TANC1: variants seen among roughly 807,000 people sequenced by gnomAD.
TANC1 encodes the protein tetratricopeptide repeat, ankyrin repeat and coiled-coil containing 1.
Under a neutral mutation model 149.7 loss-of-function variants are expected in TANC1, and 77 were observed. The ratio of observed to expected loss-of-function variants is 0.51; its 90% CI spans 0.43 to 0.62. TANC1 has a LOEUF of 0.62. TANC1 is among the 20% of genes least tolerant of loss of function. TANC1 has a pLI of 0.00. For missense variants in TANC1, 1,985 were observed against 2,321.8 expected, an observed-to-expected ratio of 0.85 and a Z score of 2.98; for synonymous variants, 854 against 925.0, an observed-to-expected ratio of 0.92 and a Z score of 1.39.
chr2:159,202,521 A>G (rs543197061), intron 19 of TANC1, among the ~76,000 whole-genome samples: 1 of 152,172 alleles, frequency 6.6e-6, no homozygotes, highest in Non-Finnish European at 1.5e-5. Flanking sequence ...ATGTTTAGGG[A>G]CCAGCCATTC....
chr2:159,132,049 T>G (rs141196403), intron 4 of TANC1, among the ~76,000 whole-genome samples: 3 of 152,268 alleles, frequency 2.0e-5, no homozygotes, highest in South Asian at 4.1e-4. Context: ...GATAGTTGTA[T>G]AAGTGCTCAA....
In TANC1 at chr2:159,230,010, C is replaced by CA. The variant is rs1421959486; in HGVS notation, c.4586dup (p.Gln1530AlafsTer84). On this transcript the variant is annotated frameshift_variant, in exon 27 of 27. Coordinates refer to ENST00000263635, the MANE Select transcript of TANC1 (RefSeq NM_033394.3). LOFTEE classifies it low-confidence loss of function (END_TRUNC). The surrounding 1 kb of genome is among the most constrained non-coding windows in gnomAD (Gnocchi z 4.4). Reference sequence around the variant, plus strand: ...AGCCAGGGCTGCTCCTGCAGCCCTCCAAGCAGGCCCAGATCGTGAAAACCA... The same window carrying CA: ...AGCCAGGGCTGCTCCTGCAGCCCTCCAAAGCAGGCCCAGATCGTGAAAACCA... 6.2e-7 allele frequency: 1 copy of CA among 1,613,944 alleles called. No individual in the cohort carries two copies. The highest frequency in any genetic ancestry group is 8.5e-7 in the Non-Finnish European group (1 of 1,180,048).
chr2:159,224,325 T>C lies in TANC1; in HGVS notation c.3772T>C (p.Ser1258Pro). The C allele has an allele frequency of 6.2e-7, 1 of 1,614,046 alleles. No homozygotes were observed. The highest frequency in any genetic ancestry group is 1.3e-5 in the African/African-American group (1 of 74,998). The change falls in exon 23 of 27, where the codon TCT becomes CCT. Residue 1258 changes from serine (S) to proline (P), a missense_variant. Ser to Pro is a moderately conservative substitution (Grantham distance 74). Transcript: ENST00000263635. Reference protein sequence around the residue: ...LDRAIGCRNTSVVVALLRKGA... With the variant: ...LDRAIGCRNTPVVVALLRKGA... ...CAGAGCCATCGGCTGCCGGAACACATCTGTAGTGGTGGCGCTACTCAGAAA... is the reference window on the plus strand; with the variant it reads ...CAGAGCCATCGGCTGCCGGAACACACCTGTAGTGGTGGCGCTACTCAGAAA...
intron 1 of TANC1, among the ~76,000 whole-genome samples, chr2:158,981,494 TATATATATATA>T (rs2034329704): frequency 1.6e-4 from 1 of 6,316 alleles, no homozygotes; most frequent in Non-Finnish European, 3.3e-4. Flanking sequence ...ATAGCTTTTA[TATATATATATA>T]TATATATATA....
intron 2 of TANC1, among the ~76,000 whole-genome samples, chr2:159,018,241 G>C (rs547291425): frequency 6.6e-6 from 1 of 152,174 alleles, no homozygotes; most frequent in Non-Finnish European, 1.5e-5. Flanking sequence ...TACTGTATTT[G>C]CTACAGATGC....
At chr2:159,139,304 G>T (rs1411749449) in intron 5 of TANC1, among the ~76,000 whole-genome samples, 1 of 152,152 alleles carries the variant, frequency 6.6e-6, no homozygotes, top group Non-Finnish European at 1.5e-5. Context: ...TTGAAACACA[G>T]CATTTTCTAC....
At chr2:159,037,864 T>C (rs949114608) in intron 2 of TANC1, among the ~76,000 whole-genome samples, 9 of 152,252 alleles carry the variant, frequency 5.9e-5, no homozygotes, top group African/African-American at 2.2e-4. Flanking sequence ...ATATGGACTT[T>C]AAGGGAGTTT....
rs559101745 is a variant in TANC1, at chr2:159,124,179, G to A, written c.260-12015G>A. On this transcript the variant is annotated intron_variant, in intron 4 of 26. Coordinates refer to ENST00000263635, the MANE Select transcript of TANC1 (RefSeq NM_033394.3). ...TCGAGACCAGCCTGGCCAACATAGT[G>A]AAACCCTGTCTCTACTAAAAATACA... is the stretch of plus-strand genomic sequence containing the variant. Among the ~76,000 whole-genome samples, 7 of 152,208 alleles carry A rather than the reference G, an allele frequency of 4.6e-5. No homozygotes were observed. The South Asian group carries it at 1.2e-3, about 27-fold the overall frequency.
At chr2:159,164,792 G>A (rs547563487) in intron 8 of TANC1, among the ~76,000 whole-genome samples, 3 of 152,332 alleles carry the variant, frequency 2.0e-5, no homozygotes, top group East Asian at 3.9e-4. Flanking sequence ...TGATAAATAA[G>A]TGGCCCTAAT....
chr2:159,082,627 C>T (rs73001064), intron 3 of TANC1, among the ~76,000 whole-genome samples: 3,336 of 152,198 alleles, frequency 0.022, 119 homozygotes, highest in African/African-American at 0.075. Context: ...TGGTAATAGG[C>T]ATGTCCTTAG....
At chr2:159,032,346 T>C (rs1403873602) in intron 2 of TANC1, among the ~76,000 whole-genome samples, 1 of 152,134 alleles carries the variant, frequency 6.6e-6, no homozygotes, top group African/African-American at 2.4e-5. Flanking sequence ...TTGGATACAG[T>C]CCCCATTCCT....
At chr2:159,194,074 C>G (rs1043509448) in intron 16 of TANC1, among the ~76,000 whole-genome samples, 183 bp from the exon 17 acceptor site, 1 of 152,200 alleles carries the variant, frequency 6.6e-6, no homozygotes, top group Non-Finnish European at 1.5e-5. Flanking sequence ...GTAAGCTACA[C>G]TATTTTACAT....
intron 24 of TANC1, chr2:159,225,999 T>A: frequency 1.8e-6 from 1 of 553,834 alleles, no homozygotes. Context: ...CTGGCCAATA[T>A]GGCAAAACCC....
chr2:159,044,544 A>G (rs1426876665), intron 2 of TANC1, among the ~76,000 whole-genome samples: 1 of 152,086 alleles, frequency 6.6e-6, no homozygotes, highest in Non-Finnish European at 1.5e-5. Flanking sequence ...AGCATCTAGT[A>G]GGACTCAGAT....
chr2:159,163,416 G>T lies in TANC1; in HGVS notation c.816G>T (p.Val272=), dbSNP rs750793731. 1.9e-6 allele frequency: 3 copies of T among 1,614,116 alleles called. No homozygotes were observed. Among genetic ancestry groups the T allele is most frequent in the Non-Finnish European group, 8.5e-7 (1 of 1,180,028 alleles). ...HDRRADNCSP[V]AEEETTGSAE... The stretch of plus-strand genomic sequence containing the variant: ...GCAGGGCAGATAACTGCTCCCCAGT[G>T]GCAGAAGAGGAGACCACCGGGTCAG... Residue 272 remains valine (V), a synonymous_variant, in exon 8 of 27, where the codon GTG becomes GTT. Coordinates refer to ENST00000263635, the MANE Select transcript of TANC1 (RefSeq NM_033394.3).
chr2:159,048,965 G>A (rs113637281), intron 2 of TANC1, among the ~76,000 whole-genome samples: 6 of 152,176 alleles, frequency 3.9e-5, no homozygotes, highest in Non-Finnish European at 8.8e-5. Flanking sequence ...TGGGAGCATG[G>A]ATGGACTTTT....
In TANC1 at chr2:159,163,555, A is replaced by T. The variant is rs2054268085; in HGVS notation, c.946+9A>T. ...GCCCAACTCAGTTGCAGGTAAGGCC[A>T]CACCTTTCCCTGGAAGGATTATCTC... On this transcript the variant is annotated intron_variant, in intron 8 of 26. Coordinates refer to ENST00000263635, the MANE Select transcript of TANC1 (RefSeq NM_033394.3). The T allele has an allele frequency of 5.0e-6, 8 of 1,606,724 alleles. No individual in the cohort carries two copies. The highest frequency in any genetic ancestry group is 6.8e-6 in the Non-Finnish European group (8 of 1,175,790).
intron 1 of TANC1, among the ~76,000 whole-genome samples, chr2:158,994,267 T>A (rs1339405630): frequency 1.3e-5 from 2 of 152,134 alleles, no homozygotes; most frequent in Non-Finnish European, 2.9e-5. Context: ...TATTTTATTT[T>A]ACTATTTTTT....
intron 1 of TANC1, among the ~76,000 whole-genome samples, chr2:158,980,476 A>G (rs999611575): frequency 1.3e-5 from 2 of 152,130 alleles, no homozygotes; most frequent in African/African-American, 4.8e-5. Flanking sequence ...ACAATAATTT[A>G]AAAATATTAT....
Sources: allele counts gnomAD v4.1 joint callset (sites outside exome capture counted in the v4.1 genomes callset), GRCh38; gene constraint gnomAD v4.1.1; non-coding constraint Gnocchi (gnomAD v3.1); transcripts MANE v1.5; gene names NCBI Gene and HGNC (gene_info 2026-07-23, HGNC 2026-07-21).